The following DAP variants were observed in gnomAD, a reference collection of about 807,000 sequenced individuals.
The protein encoded by DAP is death associated protein.
Under a neutral mutation model 13.8 loss-of-function variants are expected in DAP, and 8 were observed. The observed-to-expected ratio is 0.58, with a 90% CI of 0.34 to 1.05. DAP has a LOEUF of 1.05. DAP is among the 50% of genes least tolerant of loss of function. The pLI is 0.03. For synonymous variants in DAP, 47 were observed against 47.5 expected (o/e 0.99, Z 0.04); for missense variants, 106 against 133.2 (o/e 0.80, Z 1.01).
chr5:10,705,375 C>G (rs1016418154), intron 2 of DAP, among the ~76,000 whole-genome samples: 1 of 152,208 alleles, frequency 6.6e-6, no homozygotes, highest in Non-Finnish European at 1.5e-5. Context: ...GTGGGAGGCC[C>G]AGGCTAGGGA....
At chr5:10,744,676 A>T (rs185281153) in intron 2 of DAP, among the ~76,000 whole-genome samples, 1 of 152,218 alleles carries the variant, frequency 6.6e-6, no homozygotes, top group Admixed American at 6.5e-5. Flanking sequence ...GACCGACTAC[A>T]TATCATTGGG....
At chr5:10,732,973 C>T (rs1195069325) in intron 2 of DAP, among the ~76,000 whole-genome samples, 2 of 152,152 alleles carry the variant, frequency 1.3e-5, no homozygotes, top group African/African-American at 2.4e-5. Flanking sequence ...CCCCCAGTCC[C>T]TGGTAAGCAC....
chr5:10,756,546 C>A (rs1740187493), intron 1 of DAP, among the ~76,000 whole-genome samples: 1 of 152,158 alleles, frequency 6.6e-6, no homozygotes, highest in Non-Finnish European at 1.5e-5. Flanking sequence ...TAAATATAAT[C>A]GTGCTTATAT....
At chr5:10,702,913 A>G (rs1738617050) in intron 2 of DAP, among the ~76,000 whole-genome samples, 1 of 152,190 alleles carries the variant, frequency 6.6e-6, no homozygotes, top group Admixed American at 6.5e-5. Flanking sequence ...AAGGGACAGT[A>G]ACATGCAGAC....
At chr5:10,726,784 T>C (rs1406807555) in intron 2 of DAP, among the ~76,000 whole-genome samples, 1 of 152,108 alleles carries the variant, frequency 6.6e-6, no homozygotes, top group Non-Finnish European at 1.5e-5. Flanking sequence ...TGAGTATGAG[T>C]GTTCACAACA....
chr5:10,760,034 C>T (rs1383524567), intron 1 of DAP, among the ~76,000 whole-genome samples: 1 of 152,108 alleles, frequency 6.6e-6, no homozygotes, highest in Non-Finnish European at 1.5e-5. Flanking sequence ...GGGTTACAGG[C>T]ATGAGCCACC....
At chr5:10,759,486 A>G (rs191795818) in intron 1 of DAP, among the ~76,000 whole-genome samples, 1 of 152,300 alleles carries the variant, frequency 6.6e-6, no homozygotes, top group African/African-American at 2.4e-5. Flanking sequence ...AACCAATGCA[A>G]CACAAATTCC....
chr5:10,758,332 A>T (rs1281937742), intron 1 of DAP, among the ~76,000 whole-genome samples: 2 of 151,196 alleles, frequency 1.3e-5, no homozygotes, highest in African/African-American at 2.5e-5. Flanking sequence ...TGTAACATCT[A>T]GGAAAGCGCA....
chr5:10,694,851 G>C (rs1302780620), intron 2 of DAP, among the ~76,000 whole-genome samples: 1 of 152,146 alleles, frequency 6.6e-6, no homozygotes, highest in Non-Finnish European at 1.5e-5. Flanking sequence ...GGAAAGCACA[G>C]AGCCTGCAGG....
At position 10,695,905 on chromosome 5, in the gene DAP, G is replaced by A. The variant is rs1322240055; in HGVS notation, c.153-12334C>T. Among the ~76,000 whole-genome samples, 7 of 151,648 alleles carry A rather than the reference G, an allele frequency of 4.6e-5. No individual in the cohort carries two copies. In the South Asian group the frequency reaches 1.5e-3, roughly 32 times the overall value. ...TAGTTAGGAAAGGCTAAACCCCCAA[G>A]TTCTGAGTGTGTTGGGTGAATAGGG... On this transcript the variant is annotated intron_variant, in intron 2 of 3. Coordinates refer to ENST00000230895, the MANE Select transcript of DAP (RefSeq NM_004394.3).
intron 1 of DAP, among the ~76,000 whole-genome samples, chr5:10,755,251 G>A (rs965593376): frequency 2.0e-5 from 3 of 152,180 alleles, no homozygotes; most frequent in East Asian, 1.9e-4. Flanking sequence ...AAAGTGGGCA[G>A]CCTCTAGAAG....
At chr5:10,719,921 C>T (rs903445571) in intron 2 of DAP, among the ~76,000 whole-genome samples, 1 of 152,228 alleles carries the variant, frequency 6.6e-6, no homozygotes, top group Non-Finnish European at 1.5e-5. Context: ...TGCAGCACTA[C>T]AGCCCCTTTC....
At chr5:10,725,917 T>C (rs1446530667) in intron 2 of DAP, among the ~76,000 whole-genome samples, 2 of 152,254 alleles carry the variant, frequency 1.3e-5, no homozygotes, top group Non-Finnish European at 2.9e-5. Context: ...ATGTGAAGAC[T>C]AATAAGACTA....
At chr5:10,725,984 A>G (rs1421141434) in intron 2 of DAP, among the ~76,000 whole-genome samples, 1 of 152,218 alleles carries the variant, frequency 6.6e-6, no homozygotes, top group Non-Finnish European at 1.5e-5. Flanking sequence ...TGGCTATTAG[A>G]CTTCCTGAAT....
intron 2 of DAP, among the ~76,000 whole-genome samples, chr5:10,683,859 C>T (rs1738094429): frequency 6.6e-6 from 1 of 152,136 alleles, no homozygotes; most frequent in Non-Finnish European, 1.5e-5. Flanking sequence ...GGGACAGGGT[C>T]TCTGTCACCC....
intron 1 of DAP, among the ~76,000 whole-genome samples, chr5:10,755,228 C>A (rs959444183): frequency 3.3e-5 from 5 of 152,096 alleles, no homozygotes; most frequent in African/African-American, 7.2e-5. Flanking sequence ...GAGGAAGGCG[C>A]CACGAGCCAA....
At chr5:10,684,551 G>C (rs145328891) in intron 2 of DAP, among the ~76,000 whole-genome samples, 1 of 152,206 alleles carries the variant, frequency 6.6e-6, no homozygotes, top group African/African-American at 2.4e-5. Context: ...CACTGTTAAC[G>C]TGGGGCTATC....
intron 2 of DAP, among the ~76,000 whole-genome samples, chr5:10,740,244 G>T (rs2126673100): frequency 6.6e-6 from 1 of 152,302 alleles, no homozygotes; most frequent in Admixed American, 6.5e-5. Flanking sequence ...ACTGAAATAG[G>T]AGAGGAAAAA....
At position 10,733,155 on chromosome 5, in the gene DAP, C is replaced by CGTGTGTGTGT. The variant is rs55645932; in HGVS notation, c.152+15010_152+15019dup. Among the ~76,000 whole-genome samples the CGTGTGTGTGT allele has an allele frequency of 7.2e-4, 92 of 128,478 alleles. 1 individual carries two copies. The highest frequency in any genetic ancestry group is 3.7e-3 in the East Asian group (17 of 4,552). The allele number at this position is 128,478 out of a possible 152,430, so 84.3% of individuals were successfully genotyped here. ...TTTTTAAGGTTGAATAATATTCCTG[C>CGTGTGTGTGT]GTGTGTGTGTGTGTGTGTGTGTGTG... On this transcript the variant is annotated intron_variant, in intron 2 of 3. Transcript: ENST00000230895.
Sources: allele counts gnomAD v4.1 joint callset (sites outside exome capture counted in the v4.1 genomes callset), GRCh38; gene constraint gnomAD v4.1.1; transcripts MANE v1.5; gene names NCBI Gene and HGNC (gene_info 2026-07-23, HGNC 2026-07-21).